Variants in MKRN2 observed in about 807,000 individuals in gnomAD.
The protein encoded by MKRN2 is makorin ring finger protein 2, also known as E3 ubiquitin-protein ligase makorin-2.
A neutral mutation model predicts 45.4 loss-of-function variants in MKRN2; 32 were observed. The ratio of observed to expected loss-of-function variants is 0.70; its 90% CI spans 0.53 to 0.95. MKRN2 has a LOEUF of 0.95. MKRN2 is among the 40% of genes least tolerant of loss of function. The pLI is 0.00. For missense variants in MKRN2, 526 were observed against 536.7 expected, an observed-to-expected ratio of 0.98 and a Z score of 0.20; for synonymous variants, 206 against 192.4, an observed-to-expected ratio of 1.07 and a Z score of -0.59.
chr3:12,576,214 T>TG (rs1456245823), intron 5 of MKRN2, among the ~76,000 whole-genome samples: 1 of 151,768 alleles, frequency 6.6e-6, no homozygotes, highest in African/African-American at 2.4e-5. Context: ...TGTGTGTGTG[T>TG]GTGTGTGTGT....
intron 2 of MKRN2, 33 bp downstream of exon 2, chr3:12,569,036 A>G: frequency 6.3e-7 from 1 of 1,593,018 alleles, no homozygotes; most frequent in Non-Finnish European, 8.5e-7. Context: ...CAGCTGTGAC[A>G]CTGATTTCAT....
In MKRN2 at chr3:12,563,377, A is replaced by T. The variant is rs1352286592; in HGVS notation, c.27-5498A>T. ...AGTCAGAGGTTTCTGATTGGGGCGG[A>T]TGTGCAGCATGTTCACTAGTACCCT... On this transcript the variant is annotated intron_variant, in intron 1 of 7. Coordinates refer to ENST00000170447, the MANE Select transcript of MKRN2 (RefSeq NM_014160.5). Among the ~76,000 whole-genome samples, 8 of 151,288 alleles carry T rather than the reference A, an allele frequency of 5.3e-5. No individual in the cohort carries two copies. The East Asian group carries it at 1.6e-3, about 30-fold the overall frequency.
Position 12,578,950 on chromosome 3 carries a change from C to T in MKRN2, c.968+2209C>T, listed in dbSNP as rs150822322. Among the ~76,000 whole-genome samples the T allele has an allele frequency of 3.0e-3, 458 of 151,148 alleles. 1 individual carries two copies. The highest frequency in any genetic ancestry group is 4.5e-3 in the Non-Finnish European group (308 of 67,878). ...CAAGGCGTGGCAAGCAGAGGGGTCC[C>T]AGCTTGTAGAAAAGGGCCCCAGCCT... On this transcript the variant is annotated intron_variant, in intron 6 of 7. Coordinates refer to ENST00000170447, the MANE Select transcript of MKRN2 (RefSeq NM_014160.5).
Position 12,572,261 on chromosome 3 carries a change from G to A in MKRN2, c.530G>A (p.Gly177Glu), listed in dbSNP as rs1575520379. 35 of 1,613,936 alleles carry A rather than the reference G, an allele frequency of 2.2e-5. No homozygotes were observed. Among genetic ancestry groups the A allele is most frequent in the Non-Finnish European group, 2.8e-5 (33 of 1,179,982 alleles). The change falls in exon 4 of 8, where the codon GGG becomes GAG. Residue 177 changes from glycine to glutamate, a missense_variant. Physicochemically the swap from Gly to Glu is moderately conservative, Grantham distance 98 (BLOSUM62 -2). Transcript: ENST00000170447. ...CAGCTGTGCCCCTACGCAGCTGCTG[G>A]GGAGTGCCGGTTTGGGGATGCCTGT... ...EQQLCPYAAA[G>E]ECRFGDACVY... is the part of the protein sequence containing the mutation.
intron 3 of MKRN2, among the ~76,000 whole-genome samples, chr3:12,571,165 C>T (rs1337297511): frequency 3.3e-5 from 5 of 151,234 alleles, no homozygotes; most frequent in South Asian, 2.1e-4. Flanking sequence ...CTCGCTCTGT[C>T]GCCTAGGCTG....
intron 1 of MKRN2, 116 bp downstream of exon 1, chr3:12,557,292 C>A: frequency 7.5e-7 from 1 of 1,325,346 alleles, no homozygotes; most frequent in Non-Finnish European, 1.0e-6. Flanking sequence ...GAAAGTTACT[C>A]GGCTGTTCGC....
chr3:12,580,812 G>A lies in MKRN2; in HGVS notation c.969-996G>A, dbSNP rs138984036. Among the ~76,000 whole-genome samples, 762 of 152,214 alleles carry A rather than the reference G, an allele frequency of 5.0e-3. 4 individuals carry two copies. Among genetic ancestry groups the A allele is most frequent in the African/African-American group, 0.017 (713 of 41,540 alleles). On this transcript the variant is annotated intron_variant, in intron 6 of 7. Coordinates refer to ENST00000170447, the MANE Select transcript of MKRN2 (RefSeq NM_014160.5). ...GCCGTCCTCAGAGAACTTCACCACC[G>A]GCCTGCGGCCATCCCATCTGACAAG...
At chr3:12,557,460 G>A (rs1455157232) in intron 1 of MKRN2, among the ~76,000 whole-genome samples, 1 of 152,240 alleles carries the variant, frequency 6.6e-6, no homozygotes, top group Non-Finnish European at 1.5e-5. Context: ...AGCCAGGGCC[G>A]TGCAGGATGC....
In MKRN2 at chr3:12,582,033, G is replaced by A. The variant is rs2125309751; in HGVS notation, c.1113+81G>A. ...GGTACCGTTCCTGGCAGAGAAATGG[G>A]GTAGGCAAAAGAACGATCAAGGAAC... On this transcript the variant is annotated intron_variant, in intron 7 of 7. Transcript: ENST00000170447. The A allele has an allele frequency of 8.1e-6, 13 of 1,609,370 alleles. No homozygotes were observed. In the Middle Eastern group the frequency reaches 2.0e-3, roughly 246 times the overall value.
At position 12,582,373 on chromosome 3, in the gene MKRN2, G is replaced by A; in HGVS notation, c.*120G>A. 4 of 1,310,852 alleles carry A rather than the reference G, an allele frequency of 3.1e-6. No homozygotes were observed. Among genetic ancestry groups the A allele is most frequent in the Non-Finnish European group, 4.3e-6 (4 of 934,656 alleles). The allele number at this position is 1,310,852 out of a possible 1,614,324, so 81.2% of individuals were successfully genotyped here. On this transcript the variant is annotated 3_prime_UTR_variant, in exon 8 of 8. Transcript: ENST00000170447. ...GTGTGACTTGGATTTGAGTGGAGTT[G>A]GGCTTAGCCTTAGTCTCATTCAATC...
chr3:12,581,453 CCAGA>C (rs754822849), intron 6 of MKRN2, among the ~76,000 whole-genome samples: 11 of 152,044 alleles, frequency 7.2e-5, no homozygotes, highest in Non-Finnish European at 1.5e-4. Context: ...AGCTTAGTGC[CCAGA>C]GGAGTGACCA....
intron 6 of MKRN2, among the ~76,000 whole-genome samples, chr3:12,577,428 T>A (rs1465981762): frequency 1.3e-5 from 2 of 152,194 alleles, no homozygotes; most frequent in African/African-American, 4.8e-5. Context: ...AGTTTTTTTA[T>A]ATTGTTCATA....
At chr3:12,566,116 A>G (rs1473663063) in intron 1 of MKRN2, among the ~76,000 whole-genome samples, 1 of 152,124 alleles carries the variant, frequency 6.6e-6, no homozygotes, top group Non-Finnish European at 1.5e-5. Context: ...GGCCTCCTGA[A>G]GTGGTGGGAT....
chr3:12,561,251 G>A (rs1240067595), intron 1 of MKRN2, among the ~76,000 whole-genome samples: 1 of 152,176 alleles, frequency 6.6e-6, no homozygotes, highest in Non-Finnish European at 1.5e-5. Context: ...CTGGTTGGCA[G>A]TTAAATATTT....
chr3:12,558,173 G>T (rs1370962958), intron 1 of MKRN2, among the ~76,000 whole-genome samples: 1 of 152,222 alleles, frequency 6.6e-6, no homozygotes, highest in Non-Finnish European at 1.5e-5. Flanking sequence ...GGTATGAATA[G>T]TTGAGACGTG....
chr3:12,574,465 G>A (rs79836657), intron 4 of MKRN2, among the ~76,000 whole-genome samples: 8,544 of 152,310 alleles, frequency 0.056, 344 homozygotes, highest in Non-Finnish European at 0.087. Flanking sequence ...GAGGAGCTGG[G>A]GGACTAGGGC....
chr3:12,570,754 G>A (rs369652886), intron 3 of MKRN2, among the ~76,000 whole-genome samples: 1 of 151,718 alleles, frequency 6.6e-6, no homozygotes. Context: ...GTAGTGGCAG[G>A]TGTCTGTAAT....
chr3:12,572,100 G>C lies in MKRN2; in HGVS notation c.369G>C (p.Gln123His). 1 of 1,612,650 alleles carries C rather than the reference G, an allele frequency of 6.2e-7. No homozygotes were observed. Among genetic ancestry groups the C allele is most frequent in the South Asian group, 1.1e-5 (1 of 90,916 alleles). The change falls in exon 4 of 8, where the codon CAG (glutamine) becomes CAC (histidine). Residue 123 changes from glutamine to histidine, a missense_variant. Transcript: ENST00000170447. ...CTGGCATGGCTGAAAGGAAGACCCAGCCGAGCATGGTGAGTAATCCAGGCA... is the reference window on the plus strand; with the variant it reads ...CTGGCATGGCTGAAAGGAAGACCCACCCGAGCATGGTGAGTAATCCAGGCA... Reference protein sequence around the residue: ...NLSGMAERKTQPSMVSNPGSC... With the variant: ...NLSGMAERKTHPSMVSNPGSC...
chr3:12,575,029 G>C (rs771546270), intron 5 of MKRN2, 23 bp downstream of exon 5: 3 of 1,598,450 alleles, frequency 1.9e-6, no homozygotes, highest in Middle Eastern at 1.7e-4. Flanking sequence ...AGGGGTCTTA[G>C]CTGTGGGAGC....
Sources: gnomAD v4.1 joint callset for allele counts (sites outside exome capture counted in the v4.1 genomes callset) on GRCh38, gnomAD v4.1.1 for gene constraint, MANE v1.5 for transcripts, NCBI Gene and HGNC (gene_info 2026-07-23, HGNC 2026-07-21) for gene names.